Variants in NOS3 observed in about 807,000 individuals in gnomAD.
NOS3 encodes the protein nitric oxide synthase 3, also known as NOS type III.
Under a neutral mutation model 144.9 loss-of-function variants are expected in NOS3, and 98 were observed. The observed-to-expected ratio is 0.68, with a 90% confidence interval of 0.57 to 0.80. NOS3 has a LOEUF of 0.80. NOS3 is among the 30% of genes least tolerant of loss of function. The pLI, the probability that NOS3 is intolerant of heterozygous loss-of-function variation, is 0.00. For missense variants in NOS3, 1,465 were observed against 1,656.4 expected (o/e 0.88, Z 2.01); for synonymous variants, 714 against 702.4 (o/e 1.02, Z -0.26).
chr7:150,995,339 A>C, intron 3 of NOS3, 25 bp downstream of exon 3: 2 of 1,529,816 alleles, frequency 1.3e-6, no homozygotes, highest in Non-Finnish European at 1.8e-6. Flanking sequence ...CCCTGTCCCC[A>C]TCGTCTCCAG....
rs1240322692 is a variant in NOS3 at position 151,013,883 on chromosome 7, C to T, written c.3415C>T (p.Leu1139=). ...CCTGGCGACGGAGGGCGACATGGAG[C>T]TGGACGAGGCCGGCGACGTCATCGG... ...RILATEGDME[L]DEAGDVIGVL... Residue 1139 remains leucine, a synonymous_variant, in exon 26 of 27, where the codon CTG becomes TTG. Coordinates refer to ENST00000297494, the MANE Select transcript of NOS3 (RefSeq NM_000603.5). The T allele has an allele frequency of 1.2e-6, 2 of 1,601,456 alleles. No homozygotes were observed. Among genetic ancestry groups the T allele is most frequent in the South Asian group, 1.1e-5 (1 of 89,448 alleles).
At chr7:151,010,333 G>A (rs758394857) in intron 21 of NOS3, 46 bp downstream of exon 21, 1 of 1,540,158 alleles carries the variant, frequency 6.5e-7, no homozygotes, top group East Asian at 2.3e-5. Context: ...GAGACGGGAT[G>A]AGCTGGGGGG....
intron 24 of NOS3, chr7:151,012,979 G>A (rs1238945386): frequency 1.5e-5 from 8 of 520,682 alleles, no homozygotes; most frequent in East Asian, 3.3e-5. Flanking sequence ...TTCTGAGTCC[G>A]AAGCCGCGCA....
chr7:151,006,914 A>G lies in NOS3; in HGVS notation c.1846A>G (p.Ile616Val), dbSNP rs1366073500. ...GAGTTATAAGATCCGCTTCAACAGC[A>G]TCTCCTGCTCAGACCCACTGGTGTC... ...HKSYKIRFNS[I>V]SCSDPLVSSW... Residue 616 changes from isoleucine (I) to valine (V), a missense_variant, in exon 16 of 27, where the codon ATC becomes GTC. By Grantham distance (29) the Ile-to-Val change is conservative (BLOSUM62 3). This residue lies in a region of NOS3 where 745 missense variants were observed against 853.9 expected (regional missense o/e 0.87). Coordinates refer to ENST00000297494, the MANE Select transcript of NOS3 (RefSeq NM_000603.5). 1.4e-5 allele frequency: 22 copies of G among 1,613,972 alleles called. No homozygotes were observed. Among genetic ancestry groups the G allele is most frequent in the Non-Finnish European group, 1.9e-5 (22 of 1,180,004 alleles).
Position 151,010,774 on chromosome 7 carries a change from C to G in NOS3, c.2863C>G (p.Leu955Val). ...CAGCACCCACCCAGGAGAGATCCAC[C>G]TCACTGTAGCTGTGCTGGCATACAG... ...APSTHPGEIH[L>V]TVAVLAYRTQ... is the part of the protein sequence containing the mutation. The change falls in exon 22 of 27, where the codon CTC (leucine) becomes GTC (valine). Residue 955 changes from leucine to valine, a missense_variant. Coordinates refer to ENST00000297494, the MANE Select transcript of NOS3 (RefSeq NM_000603.5). The G allele has an allele frequency of 6.2e-7, 1 of 1,613,198 alleles. No individual in the cohort carries two copies.
chr7:151,010,718 A>C lies in NOS3; in HGVS notation c.2807A>C (p.Gln936Pro). 1 of 1,613,096 alleles carries C rather than the reference A, an allele frequency of 6.2e-7. No individual in the cohort carries two copies. The highest frequency in any genetic ancestry group is 8.5e-7 in the Non-Finnish European group (1 of 1,179,638). The change falls in exon 22 of 27, where the codon CAG becomes CCG. Residue 936 changes from glutamine (Q) to proline (P), a missense_variant. Gln to Pro is a moderately conservative substitution (Grantham distance 76). Around this residue, in one of 5 missense-constraint regions of NOS3, gnomAD observed 106 missense variants for 167.7 expected, o/e 0.63. Coordinates refer to ENST00000297494, the MANE Select transcript of NOS3 (RefSeq NM_000603.5). The stretch of plus-strand genomic sequence containing the variant: ...CTCCTCACCCAGCTGCCTCTGCTCC[A>C]GCCCCGGTACTACTCAGTCAGCTCG... ...PLLLTQLPLL[Q>P]PRYYSVSSAP...
At chr7:151,011,481 G>A (rs1366284401) in intron 23 of NOS3, among the ~76,000 whole-genome samples, 2 of 141,168 alleles carry the variant, frequency 1.4e-5, no homozygotes, top group Non-Finnish European at 3.1e-5. Context: ...GTACGATCTC[G>A]GCTTACTGCA....
intron 21 of NOS3, 64 bp from the exon 22 acceptor site, chr7:151,010,533 T>C: frequency 6.9e-7 from 1 of 1,440,482 alleles, no homozygotes; most frequent in African/African-American, 1.4e-5. Flanking sequence ...GGGGGAGGGG[T>C]CAAGAAGGGA....
Position 151,007,018 on chromosome 7 carries a change from C to T in NOS3, c.1937+13C>T. 6.2e-7 allele frequency: 1 copy of T among 1,613,510 alleles called. No individual in the cohort carries two copies. Among genetic ancestry groups the T allele is most frequent in the Non-Finnish European group, 8.5e-7 (1 of 1,179,480 alleles). ...TGGGCACCCTCAGGTCAGGGCCTCA[C>T]CAAGAGGGGTGCAACGGGTGGGCAA... On this transcript the variant is annotated intron_variant, in intron 16 of 26. Transcript: ENST00000297494.
At position 150,995,969 on chromosome 7, in the gene NOS3, C is replaced by A. The variant is rs558140698; in HGVS notation, c.271-435C>A. Among the ~76,000 whole-genome samples the A allele has an allele frequency of 6.2e-3, 36 of 5,806 alleles. 4 individuals carry two copies. The highest frequency in any genetic ancestry group is 0.05 in the Middle Eastern group (1 of 20). The allele number at this position is 5,806 out of a possible 152,430, so 3.8% of individuals were successfully genotyped here. On this transcript the variant is annotated intron_variant, in intron 3 of 26. Transcript: ENST00000297494. ...CTCCCCGTCCCATCCCTGCACCCTT[C>A]CTCCCTCTCCCCGTCCCATCCCTGC...
chr7:150,995,312 C>T lies in NOS3; in HGVS notation c.268C>T (p.Gln90Ter). The T allele has an allele frequency of 6.2e-7, 1 of 1,606,032 alleles. No homozygotes were observed. The highest frequency in any genetic ancestry group is 1.3e-5 in the African/African-American group (1 of 74,854). ...TYDTLSAQAQ[Q>*]DGPCTPRRCL... Reference sequence around the variant, plus strand: ...TGACACCCTCAGCGCCCAGGCGCAGCAGGTAAGGCCGGCATGCCCTGTCCC... The same window carrying T: ...TGACACCCTCAGCGCCCAGGCGCAGTAGGTAAGGCCGGCATGCCCTGTCCC... Residue 90 changes from glutamine to a stop codon, truncating the protein, a stop_gained and splice_region_variant, in exon 3 of 27, where the codon CAG becomes TAG. Transcript: ENST00000297494. LOFTEE classifies it high-confidence loss of function.
rs1252970081 is a variant in NOS3 at position 151,001,949 on chromosome 7, A to G, written c.1631A>G (p.Lys544Arg). 1 of 1,613,468 alleles carries G rather than the reference A, an allele frequency of 6.2e-7. No individual in the cohort carries two copies. The highest frequency in any genetic ancestry group is 2.2e-5 in the East Asian group (1 of 44,874). Residue 544 changes from lysine to arginine, a missense_variant, in exon 13 of 27, where the codon AAG (lysine) becomes AGG (arginine). Transcript: ENST00000297494. ...CAGCAGCTGGGGAGACTCTTCCGGAAGGCTTTTGATCCCCGGGTAGGGCTG... is the reference window on the plus strand; with the variant it reads ...CAGCAGCTGGGGAGACTCTTCCGGAGGGCTTTTGATCCCCGGGTAGGGCTG... ...YAQQLGRLFRKAFDPRVLCMD... is the reference protein window; with the variant it reads ...YAQQLGRLFRRAFDPRVLCMD...
At chr7:151,006,585 C>A in intron 15 of NOS3, 91 bp downstream of exon 15, 15 of 1,150,028 alleles carry the variant, frequency 1.3e-5, no homozygotes, top group Non-Finnish European at 1.9e-5. Flanking sequence ...TCCCTCTGTG[C>A]CTCAAGTCGT....
intron 24 of NOS3, chr7:151,012,978 C>T (rs1259414343): frequency 1.5e-5 from 8 of 520,306 alleles, no homozygotes; most frequent in Non-Finnish European, 2.7e-5. Context: ...ATTCTGAGTC[C>T]GAAGCCGCGC....
At chr7:151,000,637 T>G in intron 10 of NOS3, 38 bp downstream of exon 10, 1 of 1,398,946 alleles carries the variant, frequency 7.1e-7, no homozygotes, top group Non-Finnish European at 1.0e-6. Flanking sequence ...GCAAAGGGTT[T>G]GCATACGGGG....
At chr7:151,009,871 G>T (rs1196398226) in intron 20 of NOS3, among the ~76,000 whole-genome samples, 1 of 152,176 alleles carries the variant, frequency 6.6e-6, no homozygotes, top group Non-Finnish European at 1.5e-5. Flanking sequence ...TGGCACTGGG[G>T]CTATTTGCTG....
chr7:151,012,997 G>A (rs1795340166), intron 24 of NOS3: 1 of 544,810 alleles, frequency 1.8e-6, no homozygotes, highest in Non-Finnish European at 3.2e-6. Context: ...GCATTCTAGC[G>A]CAGCTCCACC....
intron 9 of NOS3, 66 bp downstream of exon 9, chr7:150,999,430 C>A: frequency 2.0e-6 from 3 of 1,482,038 alleles, no homozygotes; most frequent in Non-Finnish European, 2.7e-6. Flanking sequence ...GGCTCTCACT[C>A]CATCCCCAAA....
In NOS3 at chr7:150,993,191, G is replaced by T. The variant is rs1411810594; in HGVS notation, c.-51-562G>T. On this transcript the variant is annotated intron_variant, in intron 1 of 26. Coordinates refer to ENST00000297494, the MANE Select transcript of NOS3 (RefSeq NM_000603.5). The surrounding 1 kb of genome is among the most constrained non-coding windows in gnomAD (Gnocchi z 4.0). ...GGGATACCCTAATGTCAGACTCAAG[G>T]ACAAAAAGTCACTACATCCTTGCTG... Among the ~76,000 whole-genome samples, 1 of 152,146 alleles carries T rather than the reference G, an allele frequency of 6.6e-6. No individual in the cohort carries two copies.
Sources: allele counts gnomAD v4.1 joint callset (sites outside exome capture counted in the v4.1 genomes callset), GRCh38; gene constraint gnomAD v4.1.1; regional missense constraint gnomAD v4.1.1; non-coding constraint Gnocchi (gnomAD v3.1); transcripts MANE v1.5; gene names NCBI Gene and HGNC (gene_info 2026-07-23, HGNC 2026-07-21).